RNF216: variants seen among roughly 807,000 people sequenced by gnomAD.
The protein encoded by RNF216 is E3 ubiquitin-protein ligase RNF216.
Under a neutral mutation model 110.8 loss-of-function variants are expected in RNF216, and 72 were observed. That is an observed-to-expected ratio of 0.65 (90% CI 0.54 to 0.79). The LOEUF is 0.79. Ranked by LOEUF, RNF216 falls within the 30% of genes least tolerant of loss-of-function variation. RNF216 has a pLI of 0.00. For synonymous variants in RNF216, 495 were observed against 407.5 expected, an observed-to-expected ratio of 1.21 and a Z score of -2.59; for missense variants, 1,342 against 1,141.2, an observed-to-expected ratio of 1.18 and a Z score of -2.54.
At chr7:5,689,242 C>CT (rs2128611767) in intron 13 of RNF216, among the ~76,000 whole-genome samples, 1 of 151,718 alleles carries the variant, frequency 6.6e-6, no homozygotes, top group South Asian at 2.1e-4. Context: ...GCTCCAGAAG[C>CT]TGATATGGCA....
intron 1 of RNF216, among the ~76,000 whole-genome samples, chr7:5,775,401 A>G (rs939879748): frequency 1.3e-5 from 2 of 151,872 alleles, no homozygotes; most frequent in Non-Finnish European, 2.9e-5. Flanking sequence ...CTGCTTCTCC[A>G]TTTTTCCTTA....
At chr7:5,642,987 C>T (rs1212351903) in intron 14 of RNF216, among the ~76,000 whole-genome samples, 2 of 152,068 alleles carry the variant, frequency 1.3e-5, no homozygotes, top group East Asian at 1.9e-4. Context: ...ATTAAGGTTA[C>T]AGTCTTTTCA....
chr7:5,694,648 C>T lies in RNF216; in HGVS notation c.2061+17113G>A, dbSNP rs539675553. 5.9e-5 allele frequency among the ~76,000 whole-genome samples: 9 copies of T among 152,270 alleles called. No individual in the cohort carries two copies. The South Asian group carries it at 8.3e-4, about 14-fold the overall frequency. ...GCCAAAGGATGAGGCCCACTTGTGG[C>T]GCAATTTGAGGACCTGCCTGCCCTG... On this transcript the variant is annotated intron_variant, in intron 13 of 16. Transcript: ENST00000389902.
intron 15 of RNF216, among the ~76,000 whole-genome samples, chr7:5,633,223 C>T (rs1023514348): frequency 4.6e-5 from 7 of 152,058 alleles, no homozygotes; most frequent in African/African-American, 1.2e-4. Context: ...GTGATCCACC[C>T]GCCTTGGCCT....
chr7:5,722,209 C>G (rs1257317321), intron 8 of RNF216, among the ~76,000 whole-genome samples: 1 of 152,168 alleles, frequency 6.6e-6, no homozygotes, highest in Non-Finnish European at 1.5e-5. Context: ...CAGGTGTGAG[C>G]CACAACGCCT....
intron 13 of RNF216, among the ~76,000 whole-genome samples, chr7:5,667,466 A>T (rs1789604192): frequency 6.6e-6 from 1 of 152,232 alleles, no homozygotes; most frequent in Admixed American, 6.5e-5. Flanking sequence ...GTTACCCTGG[A>T]GGTGACTCTG....
At chr7:5,710,975 T>TA (rs1792648075) in intron 13 of RNF216, among the ~76,000 whole-genome samples, 3 of 152,136 alleles carry the variant, frequency 2.0e-5, no homozygotes, top group Non-Finnish European at 4.4e-5. Flanking sequence ...ACAAAAGAAA[T>TA]AAAGTTTTGA....
At chr7:5,771,990 T>C (rs1234229971) in intron 1 of RNF216, among the ~76,000 whole-genome samples, 5 of 152,194 alleles carry the variant, frequency 3.3e-5, no homozygotes, top group South Asian at 4.2e-4. Flanking sequence ...TCCCAGCACT[T>C]TGGAAGGCCG....
chr7:5,695,475 T>C (rs1047036931), intron 13 of RNF216, among the ~76,000 whole-genome samples: 1 of 152,212 alleles, frequency 6.6e-6, no homozygotes, highest in Non-Finnish European at 1.5e-5. Flanking sequence ...GCAAGGCTGT[T>C]AGGCACGGGG....
At chr7:5,752,427 T>G (rs1026200224) in intron 3 of RNF216, among the ~76,000 whole-genome samples, 2 of 152,176 alleles carry the variant, frequency 1.3e-5, no homozygotes, top group Non-Finnish European at 2.9e-5. Flanking sequence ...AGATTTGTTT[T>G]GGATTACGCA....
At chr7:5,651,745 T>C (rs1584380171) in intron 14 of RNF216, among the ~76,000 whole-genome samples, 1 of 151,702 alleles carries the variant, frequency 6.6e-6, no homozygotes, top group Non-Finnish European at 1.5e-5. Flanking sequence ...GCCTCCCGGG[T>C]TCAACTAATT....
chr7:5,727,947 AAAAAAAATCCTATC>A (rs1793860771), intron 7 of RNF216, among the ~76,000 whole-genome samples: 1 of 151,982 alleles, frequency 6.6e-6, no homozygotes. Flanking sequence ...GGAGATTAAA[AAAAAAAATCCTATC>A]TACAGTCTGT....
At chr7:5,691,682 T>C (rs1368987288) in intron 13 of RNF216, among the ~76,000 whole-genome samples, 1 of 152,236 alleles carries the variant, frequency 6.6e-6, no homozygotes, top group Non-Finnish European at 1.5e-5. Context: ...ATCTTCTATC[T>C]GGCATGGACA....
intron 15 of RNF216, among the ~76,000 whole-genome samples, chr7:5,630,794 C>T (rs775591179): frequency 6.6e-6 from 1 of 152,198 alleles, no homozygotes; most frequent in Non-Finnish European, 1.5e-5. Flanking sequence ...CTCACATGGA[C>T]CTCAGTTTCA....
intron 13 of RNF216, among the ~76,000 whole-genome samples, chr7:5,668,491 G>A (rs144764233): frequency 2.0e-5 from 3 of 152,104 alleles, no homozygotes; most frequent in African/African-American, 4.8e-5. Flanking sequence ...CCAAAGTGCT[G>A]GGATTACAGA....
At chr7:5,649,935 C>A (rs2128574743) in intron 14 of RNF216, 1 of 152,290 alleles carries the variant, frequency 6.6e-6, no homozygotes, top group Middle Eastern at 3.4e-3. Flanking sequence ...CCAGTGAGGA[C>A]CTTGATTATG....
chr7:5,743,660 A>AT (rs1794886513), intron 3 of RNF216, among the ~76,000 whole-genome samples: 1 of 152,248 alleles, frequency 6.6e-6, no homozygotes, highest in Admixed American at 6.5e-5. Context: ...CCACATGTAT[A>AT]TACACATGGA....
intron 13 of RNF216, among the ~76,000 whole-genome samples, chr7:5,672,817 G>A (rs535225864): frequency 3.3e-5 from 5 of 152,234 alleles, no homozygotes; most frequent in Admixed American, 1.3e-4. Flanking sequence ...TAGAGCACTG[G>A]GAGGCGAGGA....
At chr7:5,738,164 A>AT (rs1318375317) in intron 5 of RNF216, among the ~76,000 whole-genome samples, 13 of 151,552 alleles carry the variant, frequency 8.6e-5, no homozygotes, top group Non-Finnish European at 1.5e-5. Context: ...GAAAGAGTAT[A>AT]TTTTTCATTT....
Sources: allele counts gnomAD v4.1 joint callset (sites outside exome capture counted in the v4.1 genomes callset), GRCh38; gene constraint gnomAD v4.1.1; transcripts MANE v1.5; gene names NCBI Gene and HGNC (gene_info 2026-07-23, HGNC 2026-07-21).